EMID1: variants seen among roughly 807,000 people sequenced by gnomAD.
EMID1 encodes EMI domain-containing protein 1.
A neutral mutation model predicts 60.6 loss-of-function variants in EMID1; 40 were observed. The ratio of observed to expected loss-of-function variants is 0.66; its 90% CI spans 0.51 to 0.86. The LOEUF (loss-of-function observed/expected upper bound fraction) is 0.86, where lower values mean the gene tolerates loss of function less well. Ranked by LOEUF, EMID1 falls within the 40% of genes least tolerant of loss-of-function variation. The pLI is 0.00. For missense variants in EMID1, 585 were observed against 597.1 expected (o/e 0.98, Z 0.21); for synonymous variants, 242 against 231.0 (o/e 1.05, Z -0.43).
At chr22:29,234,626 G>C (rs1459553232) in intron 12 of EMID1, among the ~76,000 whole-genome samples, 2 of 151,922 alleles carry the variant, frequency 1.3e-5, no homozygotes, top group African/African-American at 4.8e-5. Context: ...CTCCAATTCT[G>C]ATTGTAGATC....
chr22:29,233,729 C>A, intron 10 of EMID1, 63 bp downstream of exon 10: 3 of 1,464,200 alleles, frequency 2.0e-6, no homozygotes, highest in Non-Finnish European at 2.9e-6. Context: ...ATGCATACAT[C>A]CATACATCTG....
At chr22:29,236,515 A>G (rs1328083003) in intron 12 of EMID1, among the ~76,000 whole-genome samples, 1 of 151,982 alleles carries the variant, frequency 6.6e-6, no homozygotes, top group Admixed American at 6.6e-5. Flanking sequence ...ACATGGTGAA[A>G]CCCCGTCTCT....
chr22:29,253,560 C>G (rs899098397), intron 13 of EMID1, among the ~76,000 whole-genome samples: 1 of 152,078 alleles, frequency 6.6e-6, no homozygotes, highest in Non-Finnish European at 1.5e-5. Context: ...CCAACCTGGG[C>G]AACAAGAGCA....
chr22:29,227,937 C>A (rs1386859955), intron 5 of EMID1, among the ~76,000 whole-genome samples: 3 of 151,882 alleles, frequency 2.0e-5, no homozygotes, highest in Non-Finnish European at 4.4e-5. Flanking sequence ...GGGCGGATCA[C>A]CTGAGGTCAA....
chr22:29,236,231 A>G (rs1281992602), intron 12 of EMID1, among the ~76,000 whole-genome samples: 2 of 152,060 alleles, frequency 1.3e-5, no homozygotes, highest in African/African-American at 4.8e-5. Context: ...CTTTTTCTAT[A>G]AAACAAATTT....
At chr22:29,256,765 C>T (rs190859594) in intron 14 of EMID1, among the ~76,000 whole-genome samples, 8 of 152,104 alleles carry the variant, frequency 5.3e-5, no homozygotes, top group Non-Finnish European at 8.8e-5. Flanking sequence ...CTCTGCGTTG[C>T]GTCCTGGAAG....
intron 3 of EMID1, among the ~76,000 whole-genome samples, chr22:29,224,505 C>T (rs899921275): frequency 6.6e-6 from 1 of 152,176 alleles, no homozygotes; most frequent in Non-Finnish European, 1.5e-5. Flanking sequence ...AGGGGTTGGC[C>T]CTGGAACTGG....
intron 3 of EMID1, among the ~76,000 whole-genome samples, chr22:29,224,626 G>A (rs1481319822): frequency 1.3e-5 from 2 of 152,232 alleles, no homozygotes; most frequent in Admixed American, 6.5e-5. Context: ...TGTGGATGGC[G>A]ACAGCCACGG....
At chr22:29,217,561 T>G (rs2040134608) in intron 3 of EMID1, among the ~76,000 whole-genome samples, 1 of 152,186 alleles carries the variant, frequency 6.6e-6, no homozygotes, top group Non-Finnish European at 1.5e-5. Flanking sequence ...GCACCATCAC[T>G]AAAAGGCACC....
chr22:29,216,835 C>T (rs902475567), intron 3 of EMID1, among the ~76,000 whole-genome samples: 2 of 152,212 alleles, frequency 1.3e-5, no homozygotes, highest in South Asian at 2.1e-4. Flanking sequence ...CCAGTGAAGC[C>T]GGGAAGAAAC....
At chr22:29,225,773 G>A (rs1175036985) in intron 4 of EMID1, among the ~76,000 whole-genome samples, 6 of 152,252 alleles carry the variant, frequency 3.9e-5, no homozygotes, top group Admixed American at 3.9e-4. Flanking sequence ...GAACAGGGGT[G>A]ACACTCCCGT....
At position 29,215,561 on chromosome 22, in the gene EMID1, A is replaced by G; in HGVS notation, c.250A>G (p.Met84Val). 1 of 1,614,076 alleles carries G rather than the reference A, an allele frequency of 6.2e-7. No homozygotes were observed. Among genetic ancestry groups the G allele is most frequent in the Non-Finnish European group, 8.5e-7 (1 of 1,179,968 alleles). The change falls in exon 3 of 15, where the codon ATG becomes GTG. Residue 84 changes from methionine (M) to valine (V), a missense_variant. Transcript: ENST00000334018. ...TGTGGTGAGACCCACATACAAGGTGATGTACAAGATAGTGACCGCCCGTGA... is the reference window on the plus strand; with the variant it reads ...TGTGGTGAGACCCACATACAAGGTGGTGTACAAGATAGTGACCGCCCGTGA... ...RTVVRPTYKV[M>V]YKIVTAREWR... is the part of the protein sequence containing the mutation.
intron 7 of EMID1, 64 bp from the exon 8 acceptor site, chr22:29,232,189 TCGC>T: frequency 1.3e-6 from 2 of 1,597,180 alleles, no homozygotes; most frequent in Non-Finnish European, 1.7e-6. Context: ...CCTTGTCCTG[TCGC>T]TCAAGGCCAC....
chr22:29,224,146 AGGGCCTGGCAGCCTCCGCTG>A (rs1423784158), intron 3 of EMID1, among the ~76,000 whole-genome samples: 1 of 152,224 alleles, frequency 6.6e-6, no homozygotes, highest in Non-Finnish European at 1.5e-5. Flanking sequence ...GACCCAGAGC[AGGGCCTGGCAGCCTCCGCTG>A]GGGGCTGGCC....
intron 12 of EMID1, among the ~76,000 whole-genome samples, chr22:29,238,584 AT>A (rs1295654425): frequency 2.1e-5 from 3 of 142,594 alleles, no homozygotes; most frequent in Non-Finnish European, 4.5e-5. Flanking sequence ...CGCCCGGCTA[AT>A]TTTTTGTATT....
chr22:29,225,577 A>G (rs562060877), intron 4 of EMID1, among the ~76,000 whole-genome samples: 10 of 152,304 alleles, frequency 6.6e-5, no homozygotes, highest in African/African-American at 2.2e-4. Flanking sequence ...TTTAGACCTC[A>G]CAGCTGTTCA....
intron 12 of EMID1, among the ~76,000 whole-genome samples, chr22:29,241,545 C>T (rs548397244): frequency 6.6e-5 from 10 of 151,696 alleles, no homozygotes; most frequent in South Asian, 4.2e-4. Flanking sequence ...CCTGCCACCA[C>T]GCCCAGCTAA....
In EMID1 at chr22:29,234,202, G is replaced by C. The variant is rs1231552566; in HGVS notation, c.1029+3G>C. 1.2e-6 allele frequency: 2 copies of C among 1,606,544 alleles called. No homozygotes were observed. The highest frequency in any genetic ancestry group is 1.7e-6 in the Non-Finnish European group (2 of 1,176,358). ...ACCCAGGAGAGAAGGGCGAGAGAGT[G>C]AGTACCCAGGTGGCCCCAGGTGGGG... On this transcript the variant is annotated splice_donor_region_variant and intron_variant, in intron 11 of 14. Transcript: ENST00000334018.
chr22:29,258,853 C>G lies in EMID1; in HGVS notation c.1241C>G (p.Thr414Arg). 6.2e-7 allele frequency: 1 copy of G among 1,613,048 alleles called. No homozygotes were observed. The highest frequency in any genetic ancestry group is 1.7e-5 in the Admixed American group (1 of 59,948). Residue 414 changes from threonine (T) to arginine (R), a missense_variant, in exon 15 of 15, where the codon ACA (threonine) becomes AGA (arginine). By Grantham distance (71) the Thr-to-Arg change is moderately conservative. Coordinates refer to ENST00000334018, the MANE Select transcript of EMID1 (RefSeq NM_133455.4). ...ELGSGAGPAGTGTPSLLRGKR... is the reference protein window; with the variant it reads ...ELGSGAGPAGRGTPSLLRGKR... ...GGGTCTGGGGCGGGCCCTGCCGGCACAGGCACCCCCAGCCTCCTTCGGGGC... is the reference window on the plus strand; with the variant it reads ...GGGTCTGGGGCGGGCCCTGCCGGCAGAGGCACCCCCAGCCTCCTTCGGGGC...
Sources: allele counts gnomAD v4.1 joint callset (sites outside exome capture counted in the v4.1 genomes callset), GRCh38; gene constraint gnomAD v4.1.1; transcripts MANE v1.5; gene names NCBI Gene and HGNC (gene_info 2026-07-23, HGNC 2026-07-21).